CDC42SE2: variants seen among roughly 807,000 people sequenced by gnomAD.
The protein encoded by CDC42SE2 is CDC42 small effector protein 2.
Under a neutral mutation model 11.5 loss-of-function variants are expected in CDC42SE2, and 3 were observed. The ratio of observed to expected loss-of-function variants is 0.26; its 90% CI spans 0.12 to 0.67. The LOEUF (loss-of-function observed/expected upper bound fraction) is 0.67. Ranked by LOEUF, CDC42SE2 falls within the 30% of genes least tolerant of loss-of-function variation. The pLI, the probability that CDC42SE2 is intolerant of heterozygous loss-of-function variation, is 0.80. For synonymous variants in CDC42SE2, 33 were observed against 34.8 expected (o/e 0.95, Z 0.18); for missense variants, 82 against 106.8 (o/e 0.77, Z 1.02).
chr5:131,313,447 C>A (rs1757974571), intron 1 of CDC42SE2, among the ~76,000 whole-genome samples: 1 of 152,010 alleles, frequency 6.6e-6, no homozygotes, highest in Non-Finnish European at 1.5e-5. Flanking sequence ...AATCTTTGCC[C>A]AAGATAAGGC....
At chr5:131,255,372 G>A (rs1051698911) in intron 2 of CDC42SE2, 1 of 152,100 alleles carries the variant, frequency 6.6e-6, no homozygotes, top group Non-Finnish European at 1.5e-5. Flanking sequence ...TTAATGTAGT[G>A]ACTTGAAAAT....
chr5:131,229,864 A>G, the CDC42SE2 span, among the ~76,000 whole-genome samples: 1 of 152,156 alleles, frequency 6.6e-6, no homozygotes, highest in Non-Finnish European at 1.5e-5. Flanking sequence ...AGCCTGGCAT[A>G]TAGAGGTTGC....
chr5:131,356,355 G>A (rs1190553274), intron 2 of CDC42SE2, among the ~76,000 whole-genome samples: 1 of 152,146 alleles, frequency 6.6e-6, no homozygotes, highest in Non-Finnish European at 1.5e-5. Flanking sequence ...GAAGTTTCTT[G>A]TGAAGAATTC....
chr5:131,237,283 C>T, the CDC42SE2 span, among the ~76,000 whole-genome samples: 11 of 152,198 alleles, frequency 7.2e-5, no homozygotes, highest in African/African-American at 2.7e-4. Flanking sequence ...TTCTCTTTCA[C>T]TCTTGAATGA....
At chr5:131,214,638 C>G in the CDC42SE2 span, among the ~76,000 whole-genome samples, 1 of 152,074 alleles carries the variant, frequency 6.6e-6, no homozygotes, top group East Asian at 1.9e-4. Flanking sequence ...GGGAGGGAAG[C>G]AAGATTGGAG....
chr5:131,335,938 C>T (rs372165034), intron 2 of CDC42SE2, among the ~76,000 whole-genome samples: 13 of 151,160 alleles, frequency 8.6e-5, no homozygotes, highest in Non-Finnish European at 4.4e-5. Flanking sequence ...CCAGTCTGTG[C>T]CTTTTAATTG....
the CDC42SE2 span, among the ~76,000 whole-genome samples, chr5:131,232,952 A>G: frequency 1.3e-5 from 2 of 151,358 alleles, no homozygotes; most frequent in Non-Finnish European, 2.9e-5. Flanking sequence ...AAAGAAAAAA[A>G]TTTTTTGAAA....
At chr5:131,303,930 T>TGG (rs1757732431) in intron 1 of CDC42SE2, among the ~76,000 whole-genome samples, 1 of 152,080 alleles carries the variant, frequency 6.6e-6, no homozygotes. Flanking sequence ...TGCATAGAGA[T>TGG]GGAGTGTACA....
chr5:131,235,755 C>T, the CDC42SE2 span, among the ~76,000 whole-genome samples: 31 of 152,090 alleles, frequency 2.0e-4, no homozygotes, highest in Admixed American at 1.6e-3. Context: ...CCACCACACC[C>T]GGCTAATTTT....
At chr5:131,242,972 T>C (rs1255268912), upstream of CDC42SE2, among the ~76,000 whole-genome samples, 1 of 152,214 alleles carries the variant, frequency 6.6e-6, no homozygotes, top group Non-Finnish European at 1.5e-5. Flanking sequence ...CTTACAATCA[T>C]GCAAATTACT....
chr5:131,220,871 C>T, the CDC42SE2 span, among the ~76,000 whole-genome samples: 1 of 150,388 alleles, frequency 6.6e-6, no homozygotes, highest in Non-Finnish European at 1.5e-5. Context: ...TATAGGAGTA[C>T]CTCACCAGAA....
chr5:131,238,939 C>T, the CDC42SE2 span, among the ~76,000 whole-genome samples: 3 of 151,916 alleles, frequency 2.0e-5, no homozygotes, highest in African/African-American at 4.8e-5. Flanking sequence ...GGGTGGATCA[C>T]GAGGTCAGGA....
upstream of CDC42SE2, chr5:131,263,820 G>A (rs1392817136): frequency 6.6e-6 from 1 of 152,246 alleles, no homozygotes; most frequent in Admixed American, 6.5e-5. Flanking sequence ...GCGTCCGTTA[G>A]CTACAGAGGC....
At chr5:131,347,766 C>T (rs921258076) in intron 2 of CDC42SE2, among the ~76,000 whole-genome samples, 3 of 152,146 alleles carry the variant, frequency 2.0e-5, no homozygotes, top group African/African-American at 7.2e-5. Flanking sequence ...TACTGGCAAA[C>T]CAAATCCAGC....
At chr5:131,330,871 A>T (rs921360521) in intron 2 of CDC42SE2, among the ~76,000 whole-genome samples, 5 of 151,204 alleles carry the variant, frequency 3.3e-5, no homozygotes, top group South Asian at 2.1e-4. Flanking sequence ...AAAAAAAAAA[A>T]TTTAAGTAGC....
At chr5:131,271,120 C>T (rs1019085559) in intron 1 of CDC42SE2, among the ~76,000 whole-genome samples, 3 of 152,302 alleles carry the variant, frequency 2.0e-5, no homozygotes, top group Admixed American at 2.0e-4. Flanking sequence ...ATACAGTTCT[C>T]CAGCTCCAAT....
chr5:131,247,491 C>T (rs1389985389), intron 1 of CDC42SE2, among the ~76,000 whole-genome samples: 5 of 151,924 alleles, frequency 3.3e-5, no homozygotes, highest in Admixed American at 1.3e-4. Flanking sequence ...TGGTGGTGGG[C>T]GCCTGTGATC....
intron 2 of CDC42SE2, among the ~76,000 whole-genome samples, chr5:131,358,403 G>T (rs1263891403): frequency 4.6e-5 from 7 of 152,072 alleles, no homozygotes; most frequent in Admixed American, 4.6e-4. Flanking sequence ...GCCGCTGCTT[G>T]TCAGCATTAT....
chr5:131,265,794 A>G (rs1052924144), intron 1 of CDC42SE2, among the ~76,000 whole-genome samples: 3 of 152,226 alleles, frequency 2.0e-5, no homozygotes, highest in Non-Finnish European at 4.4e-5. Context: ...GAAGGGAGGA[A>G]GACATTTAAT....
Sources: gnomAD v4.1 joint callset for allele counts (sites outside exome capture counted in the v4.1 genomes callset) on GRCh38, gnomAD v4.1.1 for gene constraint, MANE v1.5 for transcripts, NCBI Gene and HGNC (gene_info 2026-07-23, HGNC 2026-07-21) for gene names.